WNK4: variants seen among roughly 807,000 people sequenced by gnomAD.
The protein encoded by WNK4 is WNK lysine deficient protein kinase 4, also known as serine/threonine-protein kinase WNK4.
In WNK4, 94 loss-of-function variants were observed where a neutral mutation model predicts 116.2. That is an observed-to-expected ratio of 0.81 (90% CI 0.68 to 0.96). WNK4 has a LOEUF of 0.96. Ranked by LOEUF, WNK4 falls within the 40% of genes least tolerant of loss-of-function variation. The probability of loss-of-function intolerance (pLI) is 0.00; values close to 1 mark genes in which losing one functional copy is unlikely to be tolerated. For synonymous variants in WNK4, 655 were observed against 672.7 expected, an observed-to-expected ratio of 0.97 and a Z score of 0.41; for missense variants, 1,542 against 1,650.6, an observed-to-expected ratio of 0.93 and a Z score of 1.14.
chr17:42,788,017 C>T lies in WNK4; in HGVS notation c.1864-113C>T, dbSNP rs56364099. On this transcript the variant is annotated intron_variant, in intron 8 of 18. Coordinates refer to ENST00000246914, the MANE Select transcript of WNK4 (RefSeq NM_032387.5). ...GTCCCTGGAAATCCACCATTCTTGCCCTCCTCTTCCCTAATTCCATCTCCC... is the reference window on the plus strand; with the variant it reads ...GTCCCTGGAAATCCACCATTCTTGCTCTCCTCTTCCCTAATTCCATCTCCC... 5,515 of 1,580,156 alleles carry T rather than the reference C, an allele frequency of 3.5e-3. 10 individuals are homozygous for T. Among genetic ancestry groups the T allele is most frequent in the Non-Finnish European group, 4.3e-3 (4,906 of 1,150,106 alleles).
chr17:42,787,801 C>T lies in WNK4; in HGVS notation c.1765C>T (p.Leu589Phe). 1 of 1,612,502 alleles carries T rather than the reference C, an allele frequency of 6.2e-7. No homozygotes were observed. The highest frequency in any genetic ancestry group is 8.5e-7 in the Non-Finnish European group (1 of 1,180,016). ...TTSDCETDGY[L>F]SSSGFLDASD... The stretch of plus-strand genomic sequence containing the variant: ...AGCGGATTGCGAGACTGATGGCTAC[C>T]TCAGCTCCTCCGGCTTCCTGGATGC... Residue 589 changes from leucine to phenylalanine, a missense_variant, in exon 8 of 19, where the codon CTC becomes TTC. Leu to Phe is a conservative substitution (Grantham distance 22, BLOSUM62 0). Transcript: ENST00000246914.
chr17:42,794,656 G>T lies in WNK4; in HGVS notation c.2338G>T (p.Asp780Tyr), dbSNP rs775239746. Residue 780 changes from aspartate to tyrosine, a missense_variant, in exon 13 of 19, where the codon GAC becomes TAC. Asp to Tyr is a radical substitution (Grantham distance 160). Coordinates refer to ENST00000246914, the MANE Select transcript of WNK4 (RefSeq NM_032387.5). The part of the protein sequence containing the change: ...PLPALPVPLP[D>Y]PSNEELQSST... ...ACCTGCCCTGCCCGTCCCCCTCCCA[G>T]ACCCATCCAATGGTATGTACTGAGT... is the stretch of plus-strand genomic sequence containing the variant. 2 of 1,613,664 alleles carry T rather than the reference G, an allele frequency of 1.2e-6. No individual in the cohort carries two copies. The highest frequency in any genetic ancestry group is 3.3e-5 in the Admixed American group (2 of 59,980).
Position 42,782,497 on chromosome 17 carries a change from C to T in WNK4, c.619-261C>T, listed in dbSNP as rs779248517. 6.6e-6 allele frequency among the ~76,000 whole-genome samples: 1 copy of T among 152,354 alleles called. No individual in the cohort carries two copies. Among genetic ancestry groups the T allele is most frequent in the Middle Eastern group, 3.4e-3 (1 of 294 alleles). On this transcript the variant is annotated intron_variant, in intron 1 of 18. Transcript: ENST00000246914. The surrounding 1 kb of genome is among the most constrained non-coding windows in gnomAD (Gnocchi z 4.2). ...ACTATTGAGCTCAGGGCTCTGGGAC[C>T]GGGCTGCATAAAGGTGCTTGTGTCC...
Position 42,781,321 on chromosome 17 carries a change from G to A in WNK4, c.618+5G>A, listed in dbSNP as rs750439114. 1.9e-6 allele frequency: 3 copies of A among 1,614,118 alleles called. No individual in the cohort carries two copies. Among genetic ancestry groups the A allele is most frequent in the Admixed American group, 3.3e-5 (2 of 60,028 alleles). ...GTGGCCTGGTGTGAGCTGCAGGTGCGGCTGGGAGCCCCCTCGGTGGCACCT... is the reference window on the plus strand; with the variant it reads ...GTGGCCTGGTGTGAGCTGCAGGTGCAGCTGGGAGCCCCCTCGGTGGCACCT... On this transcript the variant is annotated splice_donor_5th_base_variant and intron_variant, in intron 1 of 18. Coordinates refer to ENST00000246914, the MANE Select transcript of WNK4 (RefSeq NM_032387.5).
Position 42,782,909 on chromosome 17 carries a change from T to G in WNK4, c.770T>G (p.Met257Arg), listed in dbSNP as rs1568026431. 1.2e-6 allele frequency: 2 copies of G among 1,614,042 alleles called. No homozygotes were observed. Residue 257 changes from methionine (M) to arginine (R), a missense_variant, in exon 2 of 19, where the codon ATG (methionine) becomes AGG (arginine). Around this residue, in one of 7 missense-constraint regions of WNK4, gnomAD observed 808 missense variants for 873.6 expected, o/e 0.92. Transcript: ENST00000246914. The surrounding 1 kb of genome is among the most constrained non-coding windows in gnomAD (Gnocchi z 4.2). Reference protein sequence around the residue: ...QVCIVLVTELMTSGTLKTYLR... With the variant: ...QVCIVLVTELRTSGTLKTYLR... ...TGCATCGTGCTGGTCACCGAACTCA[T>G]GACCTCGGGCACGCTCAAGACGTGA...
In WNK4 at chr17:42,791,965, T is replaced by A. The variant is rs866593355; in HGVS notation, c.2158-1627T>A. Among the ~76,000 whole-genome samples the A allele has an allele frequency of 3.2e-3, 484 of 149,462 alleles. 4 individuals are homozygous for A. The highest frequency in any genetic ancestry group is 0.024 in the South Asian group (114 of 4,728). On this transcript the variant is annotated intron_variant, in intron 11 of 18. Transcript: ENST00000246914. ...GCTCAGTCTCAAAAAAAAAAAAAAATAATAATGTACCATGCCTTTCATGCT... is the reference window on the plus strand; with the variant it reads ...GCTCAGTCTCAAAAAAAAAAAAAAAAAATAATGTACCATGCCTTTCATGCT...
Position 42,780,794 on chromosome 17 carries a change from G to GCAGCCCCGCCTCGGGC in WNK4, c.98_113dup (p.Pro39AlafsTer18). On this transcript the variant is annotated frameshift_variant, in exon 1 of 19. Transcript: ENST00000246914. LOFTEE classifies it high-confidence loss of function. ...CCCCGCCTCCTCTTGGCACCGCGGG[G>GCAGCCCCGCCTCGGGC]CAGCCCCGCCTCGGGCCCCCTCCTC... 1.2e-6 allele frequency: 2 copies of GCAGCCCCGCCTCGGGC among 1,603,530 alleles called. No homozygotes were observed. The highest frequency in any genetic ancestry group is 1.7e-6 in the Non-Finnish European group (2 of 1,178,370).
At chr17:42,783,582 C>T (rs1480458590) in intron 2 of WNK4, 1 of 361,966 alleles carries the variant, frequency 2.8e-6, no homozygotes, top group Non-Finnish European at 5.2e-6. Flanking sequence ...CATCCCTTCC[C>T]CCTTTCACCT....
chr17:42,796,242 G>T lies in WNK4; in HGVS notation c.3551G>T (p.Ser1184Ile). 6.2e-7 allele frequency: 1 copy of T among 1,610,152 alleles called. No homozygotes were observed. Among genetic ancestry groups the T allele is most frequent in the Non-Finnish European group, 8.5e-7 (1 of 1,178,760 alleles). The change falls in exon 17 of 19, where the codon AGC (serine) becomes ATC (isoleucine). Residue 1184 changes from serine to isoleucine, a missense_variant. This residue lies in a region of WNK4 where 148 missense variants were observed against 157.2 expected (regional missense o/e 0.94). Transcript: ENST00000246914. ...GIVAPAAMLS[S>I]RQRRLSKGSF... ...GTGGCCCCAGCTGCTATGCTGTCCA[G>T]CCGCCAGCGCCGCCTCTCCAAGGGC...
intron 6 of WNK4, 44 bp downstream of exon 6, chr17:42,785,526 C>G (rs1181294787): frequency 1.3e-6 from 2 of 1,548,206 alleles, no homozygotes; most frequent in Non-Finnish European, 1.7e-6. Context: ...GTGTAAAGGA[C>G]ATTGACTCGA....
At chr17:42,792,667 T>C (rs1025961999) in intron 11 of WNK4, among the ~76,000 whole-genome samples, 4 of 152,246 alleles carry the variant, frequency 2.6e-5, no homozygotes, top group African/African-American at 9.6e-5. Flanking sequence ...CACTAAGTTT[T>C]GGGCTTCGTT....
chr17:42,785,987 G>A (rs2054545817), intron 6 of WNK4, among the ~76,000 whole-genome samples: 1 of 152,172 alleles, frequency 6.6e-6, no homozygotes, highest in African/African-American at 2.4e-5. Flanking sequence ...GGCAGAGACT[G>A]TGTTTTATCG....
At chr17:42,796,057 G>A (rs768069772) in intron 16 of WNK4, 24 bp downstream of exon 16, 5 of 1,614,062 alleles carry the variant, frequency 3.1e-6, no homozygotes, top group Admixed American at 3.3e-5. Flanking sequence ...GGATGGAGGA[G>A]TGAGAGGAGA....
chr17:42,793,804 G>A (rs935873395), intron 12 of WNK4, 75 bp downstream of exon 12: 39 of 1,590,956 alleles, frequency 2.5e-5, no homozygotes, highest in Admixed American at 1.7e-4. Context: ...TGCCCTCAGC[G>A]GTCCCCTTGG....
At chr17:42,791,051 C>T (rs1243881339) in intron 11 of WNK4, among the ~76,000 whole-genome samples, 2 of 152,124 alleles carry the variant, frequency 1.3e-5, no homozygotes, top group Non-Finnish European at 2.9e-5. Flanking sequence ...GCCTCCACCT[C>T]CTTAAGGGTC....
Position 42,794,854 on chromosome 17 carries a change from G to T in WNK4, c.2433G>T (p.Leu811Phe). The part of the protein sequence containing the change: ...STSSSSPGTP[L>F]SPGNPFSPGT... The stretch of plus-strand genomic sequence containing the variant: ...CCTCATCTTCTCCTGGAACTCCTTT[G>T]TCTCCTGGAAACCCATTTTCCCCTG... The change falls in exon 14 of 19, where the codon TTG becomes TTT. Residue 811 changes from leucine (L) to phenylalanine (F), a missense_variant. Coordinates refer to ENST00000246914, the MANE Select transcript of WNK4 (RefSeq NM_032387.5). The T allele has an allele frequency of 1.2e-6, 2 of 1,613,718 alleles. No individual in the cohort carries two copies. The highest frequency in any genetic ancestry group is 2.2e-5 in the East Asian group (1 of 44,848).
intron 1 of WNK4, 130 bp downstream of exon 1, chr17:42,781,446 T>C (rs1206112800): frequency 1.6e-6 from 2 of 1,244,002 alleles, no homozygotes; most frequent in Admixed American, 2.1e-5. Context: ...TATAGACACC[T>C]CTGCTGTCTT....
chr17:42,792,245 T>C lies in WNK4; in HGVS notation c.2158-1347T>C, dbSNP rs141517881. ...AGTGTAATGTAGAAGTGTCCACACA[T>C]GGTAGGTCCTCAATAGAGATTGCTT... On this transcript the variant is annotated intron_variant, in intron 11 of 18. Coordinates refer to ENST00000246914, the MANE Select transcript of WNK4 (RefSeq NM_032387.5). Among the ~76,000 whole-genome samples the C allele has an allele frequency of 6.8e-4, 103 of 152,356 alleles. 2 individuals carry two copies. The East Asian group carries it at 0.017, about 26-fold the overall frequency.
chr17:42,784,128 A>T lies in WNK4; in HGVS notation c.983A>T (p.Lys328Met). 2 of 1,608,508 alleles carry T rather than the reference A, an allele frequency of 1.2e-6. No individual in the cohort carries two copies. Among genetic ancestry groups the T allele is most frequent in the Non-Finnish European group, 1.7e-6 (2 of 1,179,990 alleles). Residue 328 changes from lysine (K) to methionine (M), a missense_variant, in exon 3 of 19, where the codon AAG becomes ATG. By Grantham distance (95) the Lys-to-Met change is moderately conservative (BLOSUM62 -1). This residue lies in a region of WNK4 where 808 missense variants were observed against 873.6 expected (regional missense o/e 0.92). Transcript: ENST00000246914. The surrounding 1 kb of genome is among the most constrained non-coding windows in gnomAD (Gnocchi z 4.4). The stretch of plus-strand genomic sequence containing the variant: ...GGGGACCTGGGCCTGGCCACGCTCA[A>T]GCGCGCCTCCTTTGCCAAGAGTGTC... ...KIGDLGLATL[K>M]RASFAKSVIG...
Sources: gnomAD v4.1 joint callset for allele counts (sites outside exome capture counted in the v4.1 genomes callset) on GRCh38, gnomAD v4.1.1 for gene constraint, gnomAD v4.1.1 regional missense constraint, Gnocchi (gnomAD v3.1) non-coding constraint, MANE v1.5 for transcripts, NCBI Gene and HGNC (gene_info 2026-07-23, HGNC 2026-07-21) for gene names.